Variants in DENND5B observed in about 807,000 individuals in gnomAD.
DENND5B encodes DENN domain containing 5B, also known as DENN domain-containing protein 5B.
A neutral mutation model predicts 140.6 loss-of-function variants in DENND5B; 34 were observed. The ratio of observed to expected loss-of-function variants is 0.24; its 90% CI spans 0.18 to 0.32. DENND5B has a LOEUF of 0.32. Among genes scored for constraint, DENND5B ranks in the 10% least tolerant of loss-of-function variants. DENND5B has a pLI of 1.00. For synonymous variants in DENND5B, 551 were observed against 562.1 expected, an observed-to-expected ratio of 0.98 and a Z score of 0.28; for missense variants, 1,142 against 1,560.2, an observed-to-expected ratio of 0.73 and a Z score of 4.52.
At chr12:31,586,587 G>C (rs1028049287) in intron 1 of DENND5B, among the ~76,000 whole-genome samples, 2 of 152,290 alleles carry the variant, frequency 1.3e-5, no homozygotes, top group Non-Finnish European at 2.9e-5. Flanking sequence ...TGCTGTTTAA[G>C]CTTGGTTTTA....
At chr12:31,485,817 T>A (rs1388348828) in intron 2 of DENND5B, among the ~76,000 whole-genome samples, 1 of 152,144 alleles carries the variant, frequency 6.6e-6, no homozygotes, top group Non-Finnish European at 1.5e-5. Context: ...AAAGTTTAGC[T>A]AGCCTGAAGC....
intron 14 of DENND5B, among the ~76,000 whole-genome samples, chr12:31,403,680 A>C (rs1941949920): frequency 6.6e-6 from 1 of 150,786 alleles, no homozygotes; most frequent in Non-Finnish European, 1.5e-5. Flanking sequence ...GGTGGATCAC[A>C]AGGTCAGGAG....
chr12:31,510,840 G>C (rs1421646310), intron 1 of DENND5B, among the ~76,000 whole-genome samples: 1 of 152,088 alleles, frequency 6.6e-6, no homozygotes, highest in Admixed American at 6.6e-5. Context: ...CTCTTTAACT[G>C]AATACCCAGA....
intron 3 of DENND5B, among the ~76,000 whole-genome samples, chr12:31,463,315 A>G (rs187067232): frequency 1.3e-5 from 2 of 152,210 alleles, no homozygotes; most frequent in Admixed American, 1.3e-4. Flanking sequence ...AAAACTCACC[A>G]GGAGTAGGCA....
chr12:31,480,618 T>A (rs7133082), intron 2 of DENND5B, among the ~76,000 whole-genome samples: 84,711 of 152,002 alleles, frequency 0.56, 24,065 homozygotes, highest in East Asian at 0.82. Flanking sequence ...CAATAGTTGC[T>A]GTATCAACGA....
chr12:31,531,546 A>AT (rs1242665773), intron 1 of DENND5B, among the ~76,000 whole-genome samples: 9 of 151,636 alleles, frequency 5.9e-5, no homozygotes, highest in South Asian at 2.1e-4. Context: ...TGGTAAAATG[A>AT]TTTTTTTTTC....
chr12:31,402,678 G>A (rs1941867522), intron 14 of DENND5B, 35 bp from the exon 15 acceptor site: 2 of 1,571,894 alleles, frequency 1.3e-6, no homozygotes, highest in Non-Finnish European at 1.7e-6. Context: ...TTAAAAAGCG[G>A]GAATAAAATT....
chr12:31,490,472 C>T lies in DENND5B; in HGVS notation c.237+5338G>A, dbSNP rs192944721. Among the ~76,000 whole-genome samples the T allele has an allele frequency of 4.2e-3, 634 of 152,050 alleles. 5 individuals are homozygous for T. Among genetic ancestry groups the T allele is most frequent in the African/African-American group, 0.014 (576 of 41,460 alleles). ...TCAAAAAGTACAAAAATTAGCCAGG[C>T]GTGGTGGTGCACACCTGTAGTCTCA... On this transcript the variant is annotated intron_variant, in intron 2 of 20. Coordinates refer to ENST00000389082, the MANE Select transcript of DENND5B (RefSeq NM_144973.4).
rs1055395522 is a variant in DENND5B, at chr12:31,590,519, A to T, written c.127+187T>A. 9.8e-6 allele frequency: 7 copies of T among 714,298 alleles called. No homozygotes were observed. In the African/African-American group the frequency reaches 1.3e-4, roughly 14 times the overall value. 44.2% of individuals were successfully genotyped at this position (714,298 alleles called of 1,614,324 possible). A position where few individuals can be genotyped will look rare whatever the true frequency, so the allele number is the denominator to read the frequency against. On this transcript the variant is annotated intron_variant, in intron 1 of 20. Coordinates refer to ENST00000389082, the MANE Select transcript of DENND5B (RefSeq NM_144973.4). ...GAAAGCCCCGGTGGGCGCAGCCGCA[A>T]AGCCCGCACGCGGAATAAATAACAA...
intron 12 of DENND5B, among the ~76,000 whole-genome samples, chr12:31,414,669 G>A (rs793155): frequency 0.92 from 140,094 of 151,988 alleles, 65,165 homozygotes; most frequent in East Asian, 0.99. Context: ...ACAGTGGCTC[G>A]CGCCTGTAAT....
intron 1 of DENND5B, among the ~76,000 whole-genome samples, chr12:31,559,341 T>C (rs1286610986): frequency 6.6e-6 from 1 of 152,194 alleles, no homozygotes. Context: ...TGCCATATTA[T>C]AGTCCAGAAT....
At chr12:31,475,057 T>C (rs1945730828) in intron 3 of DENND5B, among the ~76,000 whole-genome samples, 1 of 152,218 alleles carries the variant, frequency 6.6e-6, no homozygotes, top group Non-Finnish European at 1.5e-5. Flanking sequence ...CATTACTTAC[T>C]AGCTGTATCA....
chr12:31,412,093 G>A (rs1942491844), intron 13 of DENND5B, among the ~76,000 whole-genome samples: 3 of 152,236 alleles, frequency 2.0e-5, no homozygotes, highest in African/African-American at 4.8e-5. Flanking sequence ...GATTACAGGT[G>A]CCTGCCACCA....
At chr12:31,531,034 T>C (rs1271969109) in intron 1 of DENND5B, among the ~76,000 whole-genome samples, 2 of 152,250 alleles carry the variant, frequency 1.3e-5, no homozygotes, top group Admixed American at 6.5e-5. Context: ...ACACAGTTCA[T>C]TATGCAGTGT....
rs1290448465 is a variant in DENND5B at position 31,385,490 on chromosome 12, C to T, written c.*2113G>A. The T allele has an allele frequency of 2.0e-5, 3 of 152,162 alleles. No individual in the cohort carries two copies. The highest frequency in any genetic ancestry group is 4.4e-5 in the Non-Finnish European group (3 of 68,050). 9.4% of individuals were successfully genotyped at this position (152,162 alleles called of 1,614,324 possible). ...CTTATGAAGATACAAACATGAAATC[C>T]TGGGTTGGACCCCTCTATAGTTTCT... On this transcript the variant is annotated 3_prime_UTR_variant, in exon 21 of 21. Transcript: ENST00000389082.
chr12:31,415,534 A>G, intron 11 of DENND5B, 86 bp from the exon 12 acceptor site: 1 of 1,113,926 alleles, frequency 9.0e-7, no homozygotes. Flanking sequence ...CTGCTTCGAT[A>G]AGAACAAATT....
At chr12:31,552,499 T>C (rs1949105895) in intron 1 of DENND5B, among the ~76,000 whole-genome samples, 2 of 152,246 alleles carry the variant, frequency 1.3e-5, no homozygotes, top group African/African-American at 2.4e-5. Flanking sequence ...TCGATGTTCA[T>C]CAAGGATATT....
In DENND5B at chr12:31,491,139, G is replaced by A. The variant is rs1221596374; in HGVS notation, c.237+4671C>T. On this transcript the variant is annotated intron_variant, in intron 2 of 20. Transcript: ENST00000389082. ...CCTCAAAGAGATGTGAAAGTGGGGT[G>A]GGGGACCTTCAGCTCTGTTTGCAAT... Among the ~76,000 whole-genome samples the A allele has an allele frequency of 5.3e-5, 8 of 152,202 alleles. No individual in the cohort carries two copies. In the East Asian group the frequency reaches 1.5e-3, roughly 29 times the overall value.
chr12:31,479,644 C>A lies in DENND5B; in HGVS notation c.849G>T (p.Leu283=). The A allele has an allele frequency of 6.5e-7, 1 of 1,546,182 alleles. No individual in the cohort carries two copies. The highest frequency in any genetic ancestry group is 8.7e-7 in the Non-Finnish European group (1 of 1,148,640). The stretch of plus-strand genomic sequence containing the variant: ...AAAGAACACAGGTAAACACCTGCAC[C>A]AGGTTCTCTAATCCCAGGAGCTCAA... ...EAFELLGLEN[L]VQVFTCVLLE... Residue 283 remains leucine (L), a synonymous_variant, in exon 3 of 21, where the codon CTG becomes CTT. Transcript: ENST00000389082.
Sources: gnomAD v4.1 joint callset for allele counts (sites outside exome capture counted in the v4.1 genomes callset) on GRCh38, gnomAD v4.1.1 for gene constraint, MANE v1.5 for transcripts, NCBI Gene and HGNC (gene_info 2026-07-23, HGNC 2026-07-21) for gene names.